SPEF2: variants seen among roughly 807,000 people sequenced by gnomAD.
SPEF2 encodes the protein sperm flagella and cilia-associated protein 2.
SPEF2 carries 187 observed loss-of-function variants against 224.6 expected under a neutral mutation model. That is an observed-to-expected ratio of 0.83 (90% CI 0.74 to 0.94). SPEF2 has a LOEUF of 0.94. Among genes scored for constraint, SPEF2 ranks in the 40% least tolerant of loss-of-function variants. The pLI is 0.00. For synonymous variants in SPEF2, 715 were observed against 707.3 expected, an observed-to-expected ratio of 1.01 and a Z score of -0.17; for missense variants, 2,170 against 2,135.6, an observed-to-expected ratio of 1.02 and a Z score of -0.32.
At chr5:35,663,266 C>T (rs1031465303) in intron 8 of SPEF2, among the ~76,000 whole-genome samples, 1 of 152,122 alleles carries the variant, frequency 6.6e-6, no homozygotes, top group Non-Finnish European at 1.5e-5. Flanking sequence ...GAAGTATTTA[C>T]TGCAATAGAC....
intron 20 of SPEF2, among the ~76,000 whole-genome samples, chr5:35,722,660 A>G (rs1373817538): frequency 1.1e-5 from 1 of 89,066 alleles, no homozygotes; most frequent in Non-Finnish European, 2.0e-5. Flanking sequence ...AACAGTCCCC[A>G]GAGTGTGACG....
intron 2 of SPEF2, among the ~76,000 whole-genome samples, chr5:35,636,966 ACT>A (rs1745917823): frequency 1.4e-5 from 2 of 146,344 alleles, no homozygotes; most frequent in African/African-American, 2.5e-5. Context: ...ACAGAGTGAG[ACT>A]CTGTCTCAAA....
intron 1 of SPEF2, among the ~76,000 whole-genome samples, chr5:35,619,839 G>A (rs1743251262): frequency 6.6e-6 from 1 of 150,512 alleles, no homozygotes; most frequent in Admixed American, 6.6e-5. Context: ...ATTTTAATTA[G>A]TTTTGGGAAT....
rs1285493431 is a variant in SPEF2 at position 35,792,437 on chromosome 5, C to T, written c.4545C>T (p.Thr1515=). ...NNFPSNWMHL[T]QPELQELTSL... The stretch of plus-strand genomic sequence containing the variant: ...TTCCTAGTAATTGGATGCACCTTAC[C>T]CAACCTGAAGTAAGCTTCTATGTTG... Residue 1515 remains threonine (T), a synonymous_variant, in exon 31 of 37, where the codon ACC becomes ACT. Transcript: ENST00000356031. 6.2e-7 allele frequency: 1 copy of T among 1,613,282 alleles called. No individual in the cohort carries two copies. Among genetic ancestry groups the T allele is most frequent in the Admixed American group, 1.7e-5 (1 of 59,986 alleles).
intron 34 of SPEF2, among the ~76,000 whole-genome samples, chr5:35,806,342 C>T (rs1271631832): frequency 6.6e-6 from 1 of 152,148 alleles, no homozygotes; most frequent in African/African-American, 2.4e-5. Flanking sequence ...CTTGCCTTAG[C>T]CTCTCAATTG....
intron 18 of SPEF2, among the ~76,000 whole-genome samples, chr5:35,707,606 G>A (rs10064667): frequency 0.49 from 74,938 of 151,684 alleles, 18,801 homozygotes; most frequent in Non-Finnish European, 0.52. Flanking sequence ...GTGGGCCTCT[G>A]CAGTGTGAAG....
intron 7 of SPEF2, among the ~76,000 whole-genome samples, chr5:35,655,783 C>T (rs1267916767): frequency 6.6e-6 from 1 of 152,110 alleles, no homozygotes; most frequent in Non-Finnish European, 1.5e-5. Context: ...TATGATGAGC[C>T]TTGTAAGATA....
intron 1 of SPEF2, among the ~76,000 whole-genome samples, chr5:35,626,523 CTTGTTGCTAAAGTG>C (rs1222771048): frequency 1.3e-5 from 2 of 152,128 alleles, no homozygotes; most frequent in Non-Finnish European, 2.9e-5. Flanking sequence ...CATTTCTTTA[CTTGTTGCTAAAGTG>C]ATCCATAGAC....
intron 30 of SPEF2, chr5:35,789,307 T>C (rs1316481130): frequency 1.4e-6 from 1 of 703,410 alleles, no homozygotes; most frequent in South Asian, 1.5e-5. Context: ...AGAATAGAAA[T>C]TCCTCAATTG....
At chr5:35,633,925 G>A (rs1295087170) in intron 2 of SPEF2, among the ~76,000 whole-genome samples, 4 of 151,982 alleles carry the variant, frequency 2.6e-5, no homozygotes, top group African/African-American at 9.7e-5. Context: ...GTGTAGCTCA[G>A]TTGTCTCCTC....
At chr5:35,719,054 C>G (rs1665967964) in intron 20 of SPEF2, among the ~76,000 whole-genome samples, 1 of 152,232 alleles carries the variant, frequency 6.6e-6, no homozygotes, top group Admixed American at 6.5e-5. Context: ...CTTGGTCTTA[C>G]TTTCCCAAAA....
At chr5:35,658,879 G>T in intron 7 of SPEF2, 140 bp from the exon 8 acceptor site, 1 of 568,886 alleles carries the variant, frequency 1.8e-6, no homozygotes, top group Middle Eastern at 5.3e-4. Flanking sequence ...GATTTTTTTT[G>T]CCATGTTCAA....
chr5:35,748,789 T>C (rs1000382672), intron 23 of SPEF2, among the ~76,000 whole-genome samples: 2 of 152,030 alleles, frequency 1.3e-5, no homozygotes, highest in Non-Finnish European at 1.5e-5. Context: ...TTCCACAATG[T>C]AGAGAAAGCA....
chr5:35,672,007 T>C (rs991908565), intron 10 of SPEF2, among the ~76,000 whole-genome samples: 2 of 151,880 alleles, frequency 1.3e-5, no homozygotes, highest in African/African-American at 4.8e-5. Context: ...ATCTTTGGTC[T>C]CTTCAAGAAC....
Position 35,689,122 on chromosome 5 carries a change from AC to A in SPEF2, c.1525-1913del, listed in dbSNP as rs377590273. ...TTAAGGAAAGAAAATTTTTCTGTAA[AC>A]CATTAGTGTCTTCAATTTTAATAAG... On this transcript the variant is annotated intron_variant, in intron 10 of 36. Coordinates refer to ENST00000356031, the MANE Select transcript of SPEF2 (RefSeq NM_024867.4). Among the ~76,000 whole-genome samples, 237 of 152,234 alleles carry A rather than the reference AC, an allele frequency of 1.6e-3. 1 individual carries two copies. Among genetic ancestry groups the A allele is most frequent in the African/African-American group, 5.4e-3 (226 of 41,540 alleles).
chr5:35,780,800 A>G (rs1754237175), intron 30 of SPEF2, among the ~76,000 whole-genome samples: 1 of 152,180 alleles, frequency 6.6e-6, no homozygotes, highest in African/African-American at 2.4e-5. Flanking sequence ...CACTCAATTA[A>G]TAGGTAAAAA....
At chr5:35,811,321 A>C (rs1758517203) in intron 36 of SPEF2, among the ~76,000 whole-genome samples, 1 of 152,174 alleles carries the variant, frequency 6.6e-6, no homozygotes, top group South Asian at 2.1e-4. Flanking sequence ...TTCAGGTTAA[A>C]ATGTTGTTTG....
rs574505665 is a variant in SPEF2, at chr5:35,763,830, A to AT, written c.3801+136dup. 1.2e-3 allele frequency: 990 copies of AT among 796,186 alleles called. 8 individuals are homozygous for AT. In the African/African-American group the frequency reaches 0.015, roughly 12 times the overall value. 49.3% of individuals were successfully genotyped at this position (796,186 alleles called of 1,614,324 possible). A position where few individuals can be genotyped will look rare whatever the true frequency, so the allele number is the denominator to read the frequency against. On this transcript the variant is annotated intron_variant, in intron 26 of 36. Coordinates refer to ENST00000356031, the MANE Select transcript of SPEF2 (RefSeq NM_024867.4). ...CTGTAGAAAATTGTACCTTCGAAAC[A>AT]TTTTTTTTCTGAAAGAAATAGAGAA...
At chr5:35,648,021 A>G (rs1240962532) in intron 5 of SPEF2, among the ~76,000 whole-genome samples, 16 of 152,202 alleles carry the variant, frequency 1.1e-4, no homozygotes. Context: ...ATTAATAGCT[A>G]CCATTTATTG....
Sources: gnomAD v4.1 joint callset for allele counts (sites outside exome capture counted in the v4.1 genomes callset) on GRCh38, gnomAD v4.1.1 for gene constraint, MANE v1.5 for transcripts, NCBI Gene and HGNC (gene_info 2026-07-23, HGNC 2026-07-21) for gene names.